The following GREM2 variants were observed in gnomAD, a reference collection of about 807,000 sequenced individuals.
The protein encoded by GREM2 is gremlin 2, DAN family BMP antagonist.
GREM2 carries 11 observed loss-of-function variants against 14.2 expected under a neutral mutation model. The observed-to-expected ratio is 0.78, with a 90% confidence interval of 0.49 to 1.28. The LOEUF (loss-of-function observed/expected upper bound fraction) is 1.28. Ranked by LOEUF, GREM2 falls within the 50% of genes most tolerant of loss-of-function variation. The pLI, the probability that GREM2 is intolerant of heterozygous loss-of-function variation, is 0.00. For synonymous variants in GREM2, 98 were observed against 97.6 expected, an observed-to-expected ratio of 1.00 and a Z score of -0.02; for missense variants, 210 against 218.5, an observed-to-expected ratio of 0.96 and a Z score of 0.24.
intron 1 of GREM2, among the ~76,000 whole-genome samples, chr1:240,547,344 C>CA (rs777305744): frequency 1.4e-3 from 213 of 151,354 alleles, no homozygotes; most frequent in Non-Finnish European, 2.5e-3. Context: ...ACTAAAAATA[C>CA]AAAAAATTAG....
At chr1:240,494,857 C>A (rs1015309197) in intron 1 of GREM2, among the ~76,000 whole-genome samples, 9 of 151,912 alleles carry the variant, frequency 5.9e-5, no homozygotes, top group Admixed American at 5.2e-4. Flanking sequence ...GCCGAGATGG[C>A]GTCACTGTAT....
At chr1:240,514,865 C>A (rs1043702254) in intron 1 of GREM2, among the ~76,000 whole-genome samples, 1 of 152,134 alleles carries the variant, frequency 6.6e-6, no homozygotes, top group East Asian at 1.9e-4. Context: ...CCTCTGCACT[C>A]CAGCCTCTGT....
rs899159620 is a variant in GREM2, at chr1:240,504,616, G to A, written c.-1-11140C>T. ...CCTAAAGTACAAAAAAAGGCTCTAG[G>A]GCACCAAGCAAAGGGACAATTCTAA... On this transcript the variant is annotated intron_variant, in intron 1 of 1. Coordinates refer to ENST00000318160, the MANE Select transcript of GREM2 (RefSeq NM_022469.4). 5.3e-5 allele frequency among the ~76,000 whole-genome samples: 8 copies of A among 152,004 alleles called. 1 individual carries two copies. The East Asian group carries it at 1.4e-3, about 26-fold the overall frequency.
chr1:240,606,782 C>T (rs57072007), intron 1 of GREM2, among the ~76,000 whole-genome samples: 1 of 151,234 alleles, frequency 6.6e-6, no homozygotes, highest in Admixed American at 6.6e-5. Context: ...AGGTTCAAGC[C>T]ATTCTCCTGC....
intron 1 of GREM2, among the ~76,000 whole-genome samples, chr1:240,553,713 T>C (rs544535427): frequency 6.6e-6 from 1 of 152,228 alleles, no homozygotes; most frequent in Non-Finnish European, 1.5e-5. Flanking sequence ...TGCATGCATG[T>C]ATAAATAATC....
In GREM2 at chr1:240,499,356, A is replaced by G. The variant is rs114496574; in HGVS notation, c.-1-5880T>C. Among the ~76,000 whole-genome samples, 669 of 152,290 alleles carry G rather than the reference A, an allele frequency of 4.4e-3. 2 individuals are homozygous for G. The highest frequency in any genetic ancestry group is 0.015 in the African/African-American group (630 of 41,556). On this transcript the variant is annotated intron_variant, in intron 1 of 1. Coordinates refer to ENST00000318160, the MANE Select transcript of GREM2 (RefSeq NM_022469.4). ...ATGGCGTGGGGCTGAAACTTTTTCTACAACCTGAGGATTTTATGGCATTCT... is the reference window on the plus strand; with the variant it reads ...ATGGCGTGGGGCTGAAACTTTTTCTGCAACCTGAGGATTTTATGGCATTCT...
At chr1:240,507,172 G>T (rs985033039) in intron 1 of GREM2, among the ~76,000 whole-genome samples, 2 of 152,220 alleles carry the variant, frequency 1.3e-5, no homozygotes, top group Non-Finnish European at 2.9e-5. Context: ...CTCTGTGTGG[G>T]TAATAAGATT....
At chr1:240,569,786 G>A (rs758018538) in intron 1 of GREM2, among the ~76,000 whole-genome samples, 2 of 152,152 alleles carry the variant, frequency 1.3e-5, no homozygotes, top group East Asian at 3.9e-4. Context: ...TGTGTTAGGA[G>A]ATTTCTTATA....
At chr1:240,559,870 T>C (rs1679009050) in intron 1 of GREM2, among the ~76,000 whole-genome samples, 1 of 152,214 alleles carries the variant, frequency 6.6e-6, no homozygotes. Flanking sequence ...CTGTGAAACA[T>C]GGTGTTCAGT....
intron 1 of GREM2, among the ~76,000 whole-genome samples, chr1:240,598,513 G>A (rs911710210): frequency 3.3e-5 from 5 of 152,120 alleles, no homozygotes; most frequent in African/African-American, 1.2e-4. Flanking sequence ...TCTTCCCTTT[G>A]TACAAATCCA....
chr1:240,493,541 A>ATTTT, intron 1 of GREM2, 65 bp from the exon 2 acceptor site: 1 of 1,220,744 alleles, frequency 8.2e-7, no homozygotes, highest in Non-Finnish European at 1.1e-6. Context: ...AATCTTACTT[A>ATTTT]TTTTTTTTTT....
At chr1:240,512,720 C>T (rs1677861005) in intron 1 of GREM2, among the ~76,000 whole-genome samples, 1 of 152,140 alleles carries the variant, frequency 6.6e-6, no homozygotes, top group Non-Finnish European at 1.5e-5. Flanking sequence ...CAGAATCATT[C>T]CATATAAGGT....
rs200402727 is a variant in GREM2 at position 240,493,048 on chromosome 1, G to A, written c.428C>T (p.Pro143Leu). The A allele has an allele frequency of 3.1e-6, 5 of 1,606,914 alleles. No homozygotes were observed. The highest frequency in any genetic ancestry group is 4.3e-6 in the Non-Finnish European group (5 of 1,174,328). Reference protein sequence around the residue: ...VELECPGLDPPFRLKKIQKVK... With the variant: ...VELECPGLDPLFRLKKIQKVK... ...CTTCTGGATTTTCTTGAGTCGGAAG[G>A]GTGGGTCCAGGCCGGGGCACTCGAG... The change falls in exon 2 of 2, where the codon CCC (proline) becomes CTC (leucine). Residue 143 changes from proline to leucine, a missense_variant. Physicochemically the swap from Pro to Leu is moderately conservative, Grantham distance 98. Transcript: ENST00000318160.
At chr1:240,500,074 T>C (rs1418181204) in intron 1 of GREM2, among the ~76,000 whole-genome samples, 1 of 152,198 alleles carries the variant, frequency 6.6e-6, no homozygotes, top group Non-Finnish European at 1.5e-5. Context: ...ACAGAAAATA[T>C]AACAATAGGT....
At chr1:240,582,530 T>C (rs1679505216) in intron 1 of GREM2, among the ~76,000 whole-genome samples, 1 of 152,162 alleles carries the variant, frequency 6.6e-6, no homozygotes, top group Non-Finnish European at 1.5e-5. Flanking sequence ...GCCTGGTGGC[T>C]CACGCCTATA....
chr1:240,529,981 C>T (rs1469579733), intron 1 of GREM2, among the ~76,000 whole-genome samples: 1 of 152,104 alleles, frequency 6.6e-6, no homozygotes, highest in African/African-American at 2.4e-5. Flanking sequence ...CATTTCAGCT[C>T]TATGTAGGAA....
intron 1 of GREM2, among the ~76,000 whole-genome samples, chr1:240,577,602 C>T (rs892589536): frequency 6.6e-6 from 1 of 152,188 alleles, no homozygotes; most frequent in Non-Finnish European, 1.5e-5. Flanking sequence ...AACTTGAAAA[C>T]CTCAACTTGA....
intron 1 of GREM2, among the ~76,000 whole-genome samples, chr1:240,553,197 G>A (rs993206011): frequency 1.3e-5 from 2 of 152,156 alleles, no homozygotes; most frequent in Admixed American, 6.6e-5. Flanking sequence ...CAAAGTCAAC[G>A]GGTTTTATCG....
intron 1 of GREM2, among the ~76,000 whole-genome samples, chr1:240,526,684 C>T (rs1678230788): frequency 6.6e-6 from 1 of 152,196 alleles, no homozygotes; most frequent in African/African-American, 2.4e-5. Context: ...CTTACGTGGA[C>T]GTGTCTTCAA....
Sources: gnomAD v4.1 joint callset for allele counts (sites outside exome capture counted in the v4.1 genomes callset) on GRCh38, gnomAD v4.1.1 for gene constraint, MANE v1.5 for transcripts, NCBI Gene and HGNC (gene_info 2026-07-23, HGNC 2026-07-21) for gene names.